The following SNX13 variants were observed in gnomAD, a reference collection of about 807,000 sequenced individuals.
SNX13 encodes the protein sorting nexin-13.
A neutral mutation model predicts 133.6 loss-of-function variants in SNX13; 45 were observed. The ratio of observed to expected loss-of-function variants is 0.34; its 90% CI spans 0.27 to 0.43. The LOEUF (loss-of-function observed/expected upper bound fraction) is 0.43, where lower values mean the gene tolerates loss of function less well. SNX13 is among the 20% of genes least tolerant of loss of function. SNX13 has a pLI of 1.00. For missense variants in SNX13, 1,032 were observed against 1,145.1 expected (o/e 0.90, Z 1.43); for synonymous variants, 414 against 373.9 (o/e 1.11, Z -1.24).
intron 1 of SNX13, among the ~76,000 whole-genome samples, chr7:17,930,089 A>AAAGAAT (rs200903005): frequency 2.9e-5 from 1 of 34,634 alleles, no homozygotes. Flanking sequence ...GAAAAAGAAT[A>AAAGAAT]AAGAATAAGA....
chr7:17,801,497 T>A, intron 22 of SNX13, 91 bp downstream of exon 22: 2 of 917,976 alleles, frequency 2.2e-6, no homozygotes, highest in East Asian at 5.3e-5. Context: ...TATGTGCACA[T>A]TAATGATACA....
chr7:17,794,519 G>A (rs1783844691), intron 25 of SNX13: 1 of 448,344 alleles, frequency 2.2e-6, no homozygotes, highest in East Asian at 3.6e-5. Flanking sequence ...TATAGCACAG[G>A]TGTAAGAGAT....
At chr7:17,887,520 G>C (rs1796140226) in intron 5 of SNX13, among the ~76,000 whole-genome samples, 1 of 152,044 alleles carries the variant, frequency 6.6e-6, no homozygotes, top group Admixed American at 6.5e-5. Flanking sequence ...TGACTACAAA[G>C]CACTCTCCCA....
rs575651688 is a variant in SNX13 at position 17,850,259 on chromosome 7, G to A, written c.1065+88C>T. ...CTTGTAAAGTGCTGCACTGGTAAACGTCCTGCTTTTTGTCCTTTACTGTGC... is the reference window on the plus strand; with the variant it reads ...CTTGTAAAGTGCTGCACTGGTAAACATCCTGCTTTTTGTCCTTTACTGTGC... On this transcript the variant is annotated intron_variant, in intron 11 of 25. Coordinates refer to ENST00000428135, the MANE Select transcript of SNX13 (RefSeq NM_015132.5). The A allele has an allele frequency of 1.4e-4, 102 of 721,740 alleles. 1 individual carries two copies. In the Middle Eastern group the frequency reaches 3.1e-3, roughly 22 times the overall value. 44.7% of individuals were successfully genotyped at this position (721,740 alleles called of 1,614,324 possible).
chr7:17,855,446 G>C (rs890171088), intron 9 of SNX13, among the ~76,000 whole-genome samples: 1 of 152,184 alleles, frequency 6.6e-6, no homozygotes, highest in East Asian at 1.9e-4. Context: ...AAAAGCCAGT[G>C]TCTGGCTACA....
At chr7:17,922,053 C>T (rs116391152) in intron 1 of SNX13, among the ~76,000 whole-genome samples, 6,697 of 152,288 alleles carry the variant, frequency 0.044, 146 homozygotes, top group South Asian at 0.071. Flanking sequence ...ACTCACTTTC[C>T]TATCTAGATT....
chr7:17,933,666 T>A (rs1410937851), intron 1 of SNX13, among the ~76,000 whole-genome samples: 1 of 152,032 alleles, frequency 6.6e-6, no homozygotes, highest in African/African-American at 2.4e-5. Context: ...GTCTCCCCTG[T>A]AACTGCACCA....
intron 7 of SNX13, 54 bp downstream of exon 7, chr7:17,875,426 C>G (rs779993868): frequency 2.0e-6 from 3 of 1,467,404 alleles, no homozygotes; most frequent in Non-Finnish European, 2.8e-6. Context: ...ACTGGTTCTG[C>G]TAACTTGACT....
intron 1 of SNX13, among the ~76,000 whole-genome samples, chr7:17,922,569 T>A (rs186695149): frequency 2.0e-5 from 3 of 152,306 alleles, no homozygotes; most frequent in Admixed American, 6.5e-5. Flanking sequence ...AAATCGAGAT[T>A]TTTTTCTTCA....
chr7:17,831,667 TC>T (rs893284690), intron 15 of SNX13: 2 of 984,186 alleles, frequency 2.0e-6, no homozygotes, highest in African/African-American at 1.8e-5. Context: ...TGTACATTAA[TC>T]CCTAGGTTAG....
At chr7:17,819,967 G>A (rs1280551558) in intron 18 of SNX13, among the ~76,000 whole-genome samples, 1 of 151,886 alleles carries the variant, frequency 6.6e-6, no homozygotes, top group African/African-American at 2.4e-5. Context: ...ACTCACGTGA[G>A]CTGTTTGAAA....
intron 5 of SNX13, among the ~76,000 whole-genome samples, chr7:17,877,874 G>A (rs1388954695): frequency 6.6e-6 from 1 of 151,768 alleles, no homozygotes. Context: ...TATTTCCACT[G>A]ACTTCATGCA....
intron 1 of SNX13, 132 bp from the exon 2 acceptor site, chr7:17,897,578 G>C: frequency 2.0e-6 from 1 of 509,558 alleles, no homozygotes; most frequent in Non-Finnish European, 3.4e-6. Flanking sequence ...AGTAACTTTT[G>C]AAAATGTGAA....
intron 14 of SNX13, 38 bp downstream of exon 14, chr7:17,834,723 A>G: frequency 7.3e-7 from 1 of 1,369,374 alleles, no homozygotes; most frequent in African/African-American, 1.5e-5. Context: ...ATTTTTTCTC[A>G]AAAAAGATAA....
chr7:17,831,182 A>G, intron 15 of SNX13: 1 of 984,168 alleles, frequency 1.0e-6, no homozygotes, highest in Non-Finnish European at 1.2e-6. Context: ...ATCAACAATA[A>G]GAAGATCCAG....
chr7:17,924,615 A>T (rs1423111337), intron 1 of SNX13, among the ~76,000 whole-genome samples: 1 of 152,230 alleles, frequency 6.6e-6, no homozygotes, highest in Non-Finnish European at 1.5e-5. Flanking sequence ...CTAGGTATAG[A>T]CTCAAAAGAA....
chr7:17,840,399 T>C (rs1340703618), intron 12 of SNX13, among the ~76,000 whole-genome samples: 2 of 152,028 alleles, frequency 1.3e-5, no homozygotes, highest in Non-Finnish European at 2.9e-5. Context: ...GTATAGAGGT[T>C]TGCTGAAAAT....
intron 5 of SNX13, 128 bp from the exon 6 acceptor site, chr7:17,875,918 CATT>C (rs1794678749): frequency 1.3e-6 from 1 of 741,318 alleles, no homozygotes; most frequent in Non-Finnish European, 2.1e-6. Context: ...GATTTTCATT[CATT>C]ATTACCTGTT....
intron 9 of SNX13, among the ~76,000 whole-genome samples, chr7:17,860,351 A>G (rs1444048416): frequency 6.6e-6 from 1 of 152,182 alleles, no homozygotes; most frequent in African/African-American, 2.4e-5. Flanking sequence ...GTTGTTGAGT[A>G]GTATGAGTTC....
Sources: allele counts gnomAD v4.1 joint callset (sites outside exome capture counted in the v4.1 genomes callset), GRCh38; gene constraint gnomAD v4.1.1; transcripts MANE v1.5; gene names NCBI Gene and HGNC (gene_info 2026-07-23, HGNC 2026-07-21).